FAM210A: variants seen among roughly 807,000 people sequenced by gnomAD.
The protein encoded by FAM210A is mitochondrial inner membrane scaffold 1, also known as family with sequence similarity 210 member A.
In FAM210A, 13 loss-of-function variants were observed where a neutral mutation model predicts 25.3. The observed-to-expected ratio is 0.51, with a 90% CI of 0.33 to 0.82. The LOEUF is 0.82. Ranked by LOEUF, FAM210A falls within the 40% of genes least tolerant of loss-of-function variation. FAM210A has a pLI of 0.02. For missense variants in FAM210A, 319 were observed against 323.2 expected, an observed-to-expected ratio of 0.99 and a Z score of 0.10; for synonymous variants, 125 against 118.7, an observed-to-expected ratio of 1.05 and a Z score of -0.35.
At chr18:13,706,413 C>T (rs1263904258) in intron 1 of FAM210A, among the ~76,000 whole-genome samples, 2 of 151,750 alleles carry the variant, frequency 1.3e-5, no homozygotes, top group Non-Finnish European at 2.9e-5. Context: ...AATGATTTTG[C>T]AGCCAGCCTT....
At chr18:13,669,181 A>G (rs1340944242) in intron 3 of FAM210A, among the ~76,000 whole-genome samples, 1 of 152,154 alleles carries the variant, frequency 6.6e-6, no homozygotes, top group Admixed American at 6.5e-5. Flanking sequence ...TTGCCTCTCA[A>G]CTAAAATACT....
chr18:13,684,097 T>C (rs1761284603), intron 1 of FAM210A, among the ~76,000 whole-genome samples: 1 of 152,208 alleles, frequency 6.6e-6, no homozygotes, highest in South Asian at 2.1e-4. Context: ...CCAAGAAGTC[T>C]TTTAAAAAGT....
In FAM210A at chr18:13,679,333, C is replaced by T. The variant is rs1238624037; in HGVS notation, c.473+2272G>A. On this transcript the variant is annotated intron_variant, in intron 2 of 3. Transcript: ENST00000651643. ...CCAGTTAAAACAAACAAACGAACAA[C>T]ACTAAAATATAACTAGCCTCTTGTC... 2.0e-5 allele frequency among the ~76,000 whole-genome samples: 3 copies of T among 152,166 alleles called. No individual in the cohort carries two copies. In the East Asian group the frequency reaches 5.8e-4, roughly 29 times the overall value.
intron 1 of FAM210A, among the ~76,000 whole-genome samples, chr18:13,698,085 G>C (rs1436482809): frequency 6.6e-6 from 1 of 152,104 alleles, no homozygotes; most frequent in African/African-American, 2.4e-5. Context: ...GGGCGTGGTG[G>C]CTCACGCCTG....
At chr18:13,699,492 T>C (rs569779838) in intron 1 of FAM210A, among the ~76,000 whole-genome samples, 31 of 152,298 alleles carry the variant, frequency 2.0e-4, no homozygotes, top group African/African-American at 6.0e-4. Context: ...ATCAATGATT[T>C]TTCCAAAATC....
chr18:13,670,189 A>G (rs957027204), intron 3 of FAM210A, among the ~76,000 whole-genome samples: 18 of 152,228 alleles, frequency 1.2e-4, no homozygotes, highest in Non-Finnish European at 4.4e-5. Flanking sequence ...CAAATAAAAC[A>G]AACACTTAAC....
chr18:13,699,960 C>A (rs2043725644), intron 1 of FAM210A, among the ~76,000 whole-genome samples: 1 of 152,182 alleles, frequency 6.6e-6, no homozygotes, highest in Admixed American at 6.5e-5. Flanking sequence ...TCTCTCTCTA[C>A]TCTCACACTC....
chr18:13,677,197 C>A (rs960378601), intron 2 of FAM210A, among the ~76,000 whole-genome samples: 1 of 152,032 alleles, frequency 6.6e-6, no homozygotes, highest in East Asian at 1.9e-4. Context: ...GCCTCAGCCT[C>A]CCGAGTAGCT....
intron 1 of FAM210A, among the ~76,000 whole-genome samples, chr18:13,717,178 A>G (rs2043867686): frequency 6.6e-6 from 1 of 152,148 alleles, no homozygotes; most frequent in South Asian, 2.1e-4. Flanking sequence ...CCTTTCTTAC[A>G]TTATATGTTA....
Position 13,676,121 on chromosome 18 carries a change from C to CGTGG in FAM210A, c.474-4149_474-4148insCCAC, listed in dbSNP as rs1279739314. 5.9e-3 allele frequency among the ~76,000 whole-genome samples: 717 copies of CGTGG among 122,460 alleles called. 122 individuals are homozygous for CGTGG. The highest frequency in any genetic ancestry group is 9.4e-3 in the Non-Finnish European group (480 of 51,136). 80.3% of individuals were successfully genotyped at this position (122,460 alleles called of 152,430 possible). On this transcript the variant is annotated intron_variant, in intron 2 of 3. Coordinates refer to ENST00000651643, the MANE Select transcript of FAM210A (RefSeq NM_152352.4). ...CCTGATTATTAACATTCCTGAGCCC[C>CGTGG]TGACCTCTTTATTTCCAGTTTCCTG...
intron 2 of FAM210A, among the ~76,000 whole-genome samples, chr18:13,678,634 T>C (rs1006452246): frequency 6.6e-6 from 1 of 152,214 alleles, no homozygotes; most frequent in Non-Finnish European, 1.5e-5. Context: ...AAAATAACTT[T>C]CATTTCCTCT....
intron 2 of FAM210A, among the ~76,000 whole-genome samples, chr18:13,674,051 T>C (rs2849336): frequency 6.7e-6 from 1 of 148,268 alleles, no homozygotes; most frequent in Non-Finnish European, 1.5e-5. Flanking sequence ...CTGGCTTCTT[T>C]ATTTCCAGTT....
intron 1 of FAM210A, among the ~76,000 whole-genome samples, chr18:13,710,742 T>A (rs999644623): frequency 1.3e-5 from 2 of 152,084 alleles, no homozygotes; most frequent in African/African-American, 2.4e-5. Context: ...CACCCTATGA[T>A]TTCATCCTCA....
At chr18:13,672,056 C>A (rs2043447912) in intron 2 of FAM210A, 83 bp from the exon 3 acceptor site, 19 of 936,918 alleles carry the variant, frequency 2.0e-5, no homozygotes, top group South Asian at 4.8e-5. Context: ...CAAAACCACA[C>A]TATAATTTTA....
Position 13,671,976 on chromosome 18 carries a change from A to T in FAM210A, c.474-3T>A. 6.4e-7 allele frequency: 1 copy of T among 1,573,742 alleles called. No individual in the cohort carries two copies. Among genetic ancestry groups the T allele is most frequent in the Non-Finnish European group, 8.7e-7 (1 of 1,152,258 alleles). On this transcript the variant is annotated splice_region_variant and splice_polypyrimidine_tract_variant and intron_variant, in intron 2 of 3. Coordinates refer to ENST00000651643, the MANE Select transcript of FAM210A (RefSeq NM_152352.4). Reference sequence around the variant, plus strand: ...GAAAAGGAACGACATTCACTCCTCTACAAAAAAAAAAAAGTAATTTTCATA... The same window carrying T: ...GAAAAGGAACGACATTCACTCCTCTTCAAAAAAAAAAAAGTAATTTTCATA...
chr18:13,695,059 GA>G (rs1165581042), intron 1 of FAM210A, among the ~76,000 whole-genome samples: 1 of 152,198 alleles, frequency 6.6e-6, no homozygotes, highest in Non-Finnish European at 1.5e-5. Context: ...CAAAGGATAT[GA>G]AAAGACACTT....
At chr18:13,677,188 C>T (rs550541150) in intron 2 of FAM210A, among the ~76,000 whole-genome samples, 10 of 152,092 alleles carry the variant, frequency 6.6e-5, no homozygotes, top group South Asian at 6.2e-4. Flanking sequence ...CATTCTCCTG[C>T]CTCAGCCTCC....
chr18:13,707,060 T>C (rs2043783710), intron 1 of FAM210A, among the ~76,000 whole-genome samples: 1 of 152,200 alleles, frequency 6.6e-6, no homozygotes, highest in African/African-American at 2.4e-5. Flanking sequence ...CATGTAGCCA[T>C]CTCTAAAACG....
intron 1 of FAM210A, chr18:13,697,731 C>G (rs1028267118): frequency 6.6e-6 from 1 of 151,246 alleles, no homozygotes; most frequent in Non-Finnish European, 1.5e-5. Flanking sequence ...ATTCACCCAC[C>G]TGAACTGAAA....
Sources: gnomAD v4.1 joint callset for allele counts (sites outside exome capture counted in the v4.1 genomes callset) on GRCh38, gnomAD v4.1.1 for gene constraint, MANE v1.5 for transcripts, NCBI Gene and HGNC (gene_info 2026-07-23, HGNC 2026-07-21) for gene names.